Variants in OR1A1 observed in about 807,000 individuals in gnomAD.
OR1A1 encodes the protein olfactory receptor 1A1.
For synonymous variants in OR1A1, 145 were observed against 147.8 expected (o/e 0.98, Z 0.13); for missense variants, 391 against 379.9 (o/e 1.03, Z -0.24).
At position 3,217,766 on chromosome 17, in the gene OR1A1, C is replaced by T. The variant is rs922935728; in HGVS notation, c.*1216C>T. ...CTGGACCCCTTTCTTACATCTTATA[C>T]AAAAATTAACTCAAGATGGATTAAA... On this transcript the variant is annotated 3_prime_UTR_variant, in exon 4 of 4. Coordinates refer to ENST00000641732, the MANE Select transcript of OR1A1 (RefSeq NM_014565.3). 27 of 152,282 alleles carry T rather than the reference C, an allele frequency of 1.8e-4. No individual in the cohort carries two copies. Among genetic ancestry groups the T allele is most frequent in the African/African-American group, 6.5e-4 (27 of 41,538 alleles). 9.4% of individuals were successfully genotyped at this position (152,282 alleles called of 1,614,324 possible). A position where few individuals can be genotyped will look rare whatever the true frequency, so the allele number is the denominator to read the frequency against.
intron 3 of OR1A1, chr17:3,213,955 G>A (rs1328283663): frequency 2.0e-5 from 3 of 152,258 alleles, no homozygotes; most frequent in African/African-American, 7.2e-5. Context: ...GAAACCTGGA[G>A]TCAAGCAGTT....
rs1031416621 is a variant in OR1A1 at position 3,214,854 on chromosome 17, G to C, written c.-5-762G>C. 4 of 143,370 alleles carry C rather than the reference G, an allele frequency of 2.8e-5. No homozygotes were observed. In the East Asian group the frequency reaches 7.9e-4, roughly 28 times the overall value. 8.9% of individuals were successfully genotyped at this position (143,370 alleles called of 1,614,324 possible). A position where few individuals can be genotyped will look rare whatever the true frequency, so the allele number is the denominator to read the frequency against. On this transcript the variant is annotated intron_variant, in intron 3 of 3. Coordinates refer to ENST00000641732, the MANE Select transcript of OR1A1 (RefSeq NM_014565.3). The stretch of plus-strand genomic sequence containing the variant: ...TATACTTGAGGGCTTGCCAAAGAGA[G>C]AAAAAAAACCAACAACTCTTTTTTC...
intron 1 of OR1A1, among the ~76,000 whole-genome samples, 194 bp downstream of exon 1, chr17:3,208,194 G>GA (rs1271967393): frequency 5.8e-5 from 5 of 86,122 alleles, no homozygotes; most frequent in African/African-American, 1.3e-4. Context: ...GAGAGAGAGA[G>GA]GAGGAGGAGG....
chr17:3,208,368 A>C lies in OR1A1; in HGVS notation c.-556-213A>C, dbSNP rs566958596. Among the ~76,000 whole-genome samples, 5 of 152,216 alleles carry C rather than the reference A, an allele frequency of 3.3e-5. No individual in the cohort carries two copies. The South Asian group carries it at 1.0e-3, about 32-fold the overall frequency. On this transcript the variant is annotated intron_variant, in intron 1 of 3. Transcript: ENST00000641732. ...GTGTGCATGTGTGTGTGTGTAAGAG[A>C]GAGCGAGAGCACCTGCCAAAAGTGC... is the stretch of plus-strand genomic sequence containing the variant.
At chr17:3,215,038 C>CATTAAAAAA in intron 3 of OR1A1, 5 of 152,756 alleles carry the variant, frequency 3.3e-5, no homozygotes, top group Non-Finnish European at 7.3e-5. Context: ...GCTCTGGGAT[C>CATTAAAAAA]CCTCTGAGTT....
chr17:3,210,871 G>A (rs1462346508), intron 2 of OR1A1, among the ~76,000 whole-genome samples: 1 of 152,188 alleles, frequency 6.6e-6, no homozygotes, highest in African/African-American at 2.4e-5. Context: ...CTCCCAAAGT[G>A]CTGGGATTAC....
intron 2 of OR1A1, among the ~76,000 whole-genome samples, chr17:3,210,136 T>G (rs1373060699): frequency 6.7e-6 from 1 of 148,354 alleles, no homozygotes; most frequent in Non-Finnish European, 1.5e-5. Flanking sequence ...ACAATGCACA[T>G]GTGCCCGTCT....
At chr17:3,213,776 T>C (rs2048453947) in intron 3 of OR1A1, 1 of 152,188 alleles carries the variant, frequency 6.6e-6, no homozygotes, top group African/African-American at 2.4e-5. Context: ...CTGGGACACG[T>C]GTGGAATGGC....
chr17:3,213,772 C>T (rs1037849346), intron 3 of OR1A1: 9 of 152,152 alleles, frequency 5.9e-5, no homozygotes, highest in Admixed American at 3.3e-4. Flanking sequence ...AGAACTGGGA[C>T]ACGTGTGGAA....
intron 2 of OR1A1, among the ~76,000 whole-genome samples, chr17:3,210,121 A>G (rs1434898722): frequency 6.6e-6 from 1 of 151,712 alleles, no homozygotes; most frequent in African/African-American, 2.4e-5. Context: ...TAAGTTTCCC[A>G]TATGACAATG....
intron 2 of OR1A1, among the ~76,000 whole-genome samples, chr17:3,209,731 C>T (rs1188668526): frequency 6.6e-6 from 1 of 152,140 alleles, no homozygotes; most frequent in Admixed American, 6.5e-5. Flanking sequence ...GATCATACCA[C>T]TGCCCTCCAG....
In OR1A1 at chr17:3,216,080, G is replaced by T; in HGVS notation, c.460G>T (p.Ala154Ser). The T allele has an allele frequency of 6.2e-7, 1 of 1,614,108 alleles. No homozygotes were observed. The highest frequency in any genetic ancestry group is 8.5e-7 in the Non-Finnish European group (1 of 1,180,006). The change falls in exon 4 of 4, where the codon GCC becomes TCC. Residue 154 changes from alanine to serine, a missense_variant. By Grantham distance (99) the Ala-to-Ser change is moderately conservative (BLOSUM62 1). Transcript: ENST00000641732. Reference sequence around the variant, plus strand: ...TGCTGGGTCTTGGGTGATTGGAAATGCCAATGCCCTCCCCCACACTCTGCT... The same window carrying T: ...TGCTGGGTCTTGGGTGATTGGAAATTCCAATGCCCTCCCCCACACTCTGCT... ...LIAGSWVIGN[A>S]NALPHTLLTA...
At position 3,215,733 on chromosome 17, in the gene OR1A1, C is replaced by T. The variant is rs1439777233; in HGVS notation, c.113C>T (p.Thr38Ile). 23 of 1,613,980 alleles carry T rather than the reference C, an allele frequency of 1.4e-5. No individual in the cohort carries two copies. The highest frequency in any genetic ancestry group is 1.9e-5 in the Non-Finnish European group (22 of 1,179,950). The change falls in exon 4 of 4, where the codon ACA (threonine) becomes ATA (isoleucine). Residue 38 changes from threonine (T) to isoleucine (I), a missense_variant. Coordinates refer to ENST00000641732, the MANE Select transcript of OR1A1 (RefSeq NM_014565.3). ...YILFLFIYPI[T>I]LIGNLLIVLA... ...CTCTTCTTGTTCATTTACCCCATCACATTGATTGGAAACCTGCTCATCGTC... is the reference window on the plus strand; with the variant it reads ...CTCTTCTTGTTCATTTACCCCATCATATTGATTGGAAACCTGCTCATCGTC...
At chr17:3,210,297 A>G (rs2048435295) in intron 2 of OR1A1, among the ~76,000 whole-genome samples, 1 of 151,986 alleles carries the variant, frequency 6.6e-6, no homozygotes, top group African/African-American at 2.4e-5. Context: ...CCCATGTGCT[A>G]CAGTTTCTCT....
rs2048419374 is a variant in OR1A1 at position 3,207,920 on chromosome 17, G to A, written c.-637G>A. 1 of 152,210 alleles carries A rather than the reference G, an allele frequency of 6.6e-6. No individual in the cohort carries two copies. The highest frequency in any genetic ancestry group is 2.4e-5 in the African/African-American group (1 of 41,446). The allele number at this position is 152,210 out of a possible 1,614,324, so 9.4% of individuals were successfully genotyped here. ...GCATCTGAACTGACTCCACAGATAG[G>A]GACTTAGACATTGGAAGAGACTGTA... On this transcript the variant is annotated 5_prime_UTR_variant, in exon 1 of 4. Coordinates refer to ENST00000641732, the MANE Select transcript of OR1A1 (RefSeq NM_014565.3).
rs759786709 is a variant in OR1A1, at chr17:3,215,751, T to C, written c.131T>C (p.Leu44Pro). 31 of 1,614,198 alleles carry C rather than the reference T, an allele frequency of 1.9e-5. No individual in the cohort carries two copies. The South Asian group carries it at 3.3e-4, about 17-fold the overall frequency. ...IYPITLIGNL[L>P]IVLAICSDVR... ...CCCATCACATTGATTGGAAACCTGC[T>C]CATCGTCCTAGCCATTTGCTCTGAT... is the stretch of plus-strand genomic sequence containing the variant. Residue 44 changes from leucine (L) to proline (P), a missense_variant, in exon 4 of 4, where the codon CTC becomes CCC. By Grantham distance (98) the Leu-to-Pro change is moderately conservative. Coordinates refer to ENST00000641732, the MANE Select transcript of OR1A1 (RefSeq NM_014565.3).
At chr17:3,212,444 A>G (rs1038444899) in intron 2 of OR1A1, 23 bp from the exon 3 acceptor site, 1 of 150,910 alleles carries the variant, frequency 6.6e-6, no homozygotes, top group Non-Finnish European at 1.5e-5. Flanking sequence ...ATATTTTTCT[A>G]TAACTTCAAT....
intron 2 of OR1A1, among the ~76,000 whole-genome samples, chr17:3,209,488 T>C (rs538658344): frequency 6.6e-6 from 1 of 152,322 alleles, no homozygotes; most frequent in East Asian, 1.9e-4. Flanking sequence ...ATTTTTATTA[T>C]TTTTAAAAAA....
In OR1A1 at chr17:3,212,536, C is replaced by T. The variant is rs770961211; in HGVS notation, c.-69C>T. The T allele has an allele frequency of 1.3e-5, 2 of 152,092 alleles. No individual in the cohort carries two copies. Among genetic ancestry groups the T allele is most frequent in the African/African-American group, 4.8e-5 (2 of 41,398 alleles). The allele number at this position is 152,092 out of a possible 1,614,324, so 9.4% of individuals were successfully genotyped here. A position where few individuals can be genotyped will look rare whatever the true frequency, so the allele number is the denominator to read the frequency against. ...AGCTCCACCTCTGAACTCACATATC[C>T]GTACCATATGAGCTAACCATGCTCT... On this transcript the variant is annotated 5_prime_UTR_variant, in exon 3 of 4. Transcript: ENST00000641732.
Sources: allele counts gnomAD v4.1 joint callset (sites outside exome capture counted in the v4.1 genomes callset), GRCh38; gene constraint gnomAD v4.1.1; transcripts MANE v1.5; gene names NCBI Gene and HGNC (gene_info 2026-07-23, HGNC 2026-07-21).